Variants in KSR2 observed in about 807,000 individuals in gnomAD.
KSR2 encodes kinase suppressor of ras 2.
KSR2 carries 25 observed loss-of-function variants against 107.8 expected under a neutral mutation model. That is an observed-to-expected ratio of 0.23 (90% CI 0.17 to 0.32). The LOEUF (loss-of-function observed/expected upper bound fraction) is 0.32. Among genes scored for constraint, KSR2 ranks in the 10% least tolerant of loss-of-function variants. The pLI, the probability that KSR2 is intolerant of heterozygous loss-of-function variation, is 1.00. For synonymous variants in KSR2, 480 were observed against 507.0 expected (o/e 0.95, Z 0.71); for missense variants, 887 against 1,268.9 (o/e 0.70, Z 4.57).
chr12:117,937,428 G>T (rs1242016563), intron 1 of KSR2, among the ~76,000 whole-genome samples: 9 of 151,840 alleles, frequency 5.9e-5, no homozygotes, highest in Admixed American at 5.3e-4. Context: ...TTATCATTAT[G>T]AAGTGGCTTG....
intron 1 of KSR2, among the ~76,000 whole-genome samples, chr12:117,875,926 A>G (rs928935446): frequency 6.6e-6 from 1 of 151,968 alleles, no homozygotes; most frequent in African/African-American, 2.4e-5. Flanking sequence ...TCATTTCCCC[A>G]GCGTTCAGAT....
Position 117,812,842 on chromosome 12 carries a change from C to CAAAAAAAAAAAAAAA in KSR2, c.472+42571_472+42585dup, listed in dbSNP as rs3073170. On this transcript the variant is annotated intron_variant, in intron 3 of 19. Transcript: ENST00000339824. ...GGAACCACAAAAGACCCCAAATAGC[C>CAAAAAAAAAAAAAAA]AAAAAAAAAAAAAAAAATCATCCTG... 5.4e-4 allele frequency among the ~76,000 whole-genome samples: 52 copies of CAAAAAAAAAAAAAAA among 95,488 alleles called. 1 individual carries two copies. The highest frequency in any genetic ancestry group is 9.4e-4 in the African/African-American group (16 of 17,068). 62.6% of individuals were successfully genotyped at this position (95,488 alleles called of 152,430 possible).
chr12:117,755,663 T>C (rs1271336712), intron 4 of KSR2, among the ~76,000 whole-genome samples: 1 of 152,214 alleles, frequency 6.6e-6, no homozygotes, highest in African/African-American at 2.4e-5. Flanking sequence ...CAATAGCCTC[T>C]AAGCGTTCCA....
chr12:117,961,377 A>AG (rs1397430573), intron 1 of KSR2, among the ~76,000 whole-genome samples: 2 of 152,146 alleles, frequency 1.3e-5, no homozygotes, highest in African/African-American at 4.8e-5. Flanking sequence ...AAAGACATTT[A>AG]GGGGTCTATT....
In KSR2 at chr12:117,465,098, G is replaced by GT. The variant is rs1422063116; in HGVS notation, c.*2100dup. 6.6e-6 allele frequency: 1 copy of GT among 152,252 alleles called. No homozygotes were observed. The highest frequency in any genetic ancestry group is 2.4e-5 in the African/African-American group (1 of 41,428). The allele number at this position is 152,252 out of a possible 1,614,324, so 9.4% of individuals were successfully genotyped here. A position where few individuals can be genotyped will look rare whatever the true frequency, so the allele number is the denominator to read the frequency against. ...GGACTGGAGCCTGTGGACCCAAGAA[G>GT]TCCTGGTGTGATGGAAGAGAAGTGA... On this transcript the variant is annotated 3_prime_UTR_variant, in exon 20 of 20. Transcript: ENST00000339824.
chr12:117,826,024 GGGATGGAT>G (rs1242095835), intron 3 of KSR2, among the ~76,000 whole-genome samples: 2 of 149,910 alleles, frequency 1.3e-5, no homozygotes, highest in Non-Finnish European at 3.0e-5. Flanking sequence ...GATGCATGGA[GGGATGGAT>G]GGATGGATGG....
chr12:117,527,002 C>CGTCA (rs1875213050), intron 13 of KSR2, 69 bp downstream of exon 13: 2 of 1,343,112 alleles, frequency 1.5e-6, no homozygotes, highest in Non-Finnish European at 1.1e-6. Flanking sequence ...TCATCCAAAA[C>CGTCA]GTCAGTCGGC....
chr12:117,846,589 C>T (rs1892714129), intron 3 of KSR2, among the ~76,000 whole-genome samples: 1 of 152,192 alleles, frequency 6.6e-6, no homozygotes, highest in Non-Finnish European at 1.5e-5. Flanking sequence ...CAGGCATAAA[C>T]CACTGCGCCC....
intron 3 of KSR2, among the ~76,000 whole-genome samples, chr12:117,776,087 AAATT>A (rs974785855): frequency 1.9e-4 from 28 of 150,166 alleles, no homozygotes; most frequent in South Asian, 6.3e-4. Flanking sequence ...ATGGAAATAA[AAATT>A]AATTAATTAA....
chr12:117,962,729 G>T (rs1896693847), intron 1 of KSR2, among the ~76,000 whole-genome samples: 1 of 150,384 alleles, frequency 6.6e-6, no homozygotes, highest in South Asian at 2.1e-4. Context: ...ACAGGCGTGA[G>T]CCACTGTGCC....
At chr12:117,710,183 C>T (rs190123909) in intron 4 of KSR2, among the ~76,000 whole-genome samples, 21 of 152,096 alleles carry the variant, frequency 1.4e-4, no homozygotes, top group Admixed American at 3.3e-4. Flanking sequence ...CATTTGAATA[C>T]GGCCTCTTGC....
intron 1 of KSR2, among the ~76,000 whole-genome samples, chr12:117,947,698 C>T (rs1159547780): frequency 6.6e-6 from 1 of 151,892 alleles, no homozygotes; most frequent in Non-Finnish European, 1.5e-5. Context: ...GATACAAGGT[C>T]AACACAAAAA....
At chr12:117,568,303 A>T (rs1186918918) in intron 7 of KSR2, among the ~76,000 whole-genome samples, 1 of 152,148 alleles carries the variant, frequency 6.6e-6, no homozygotes, top group Non-Finnish European at 1.5e-5. Context: ...TCAATTCAAG[A>T]AAGGATGATG....
chr12:117,748,554 A>G (rs1430783280), intron 4 of KSR2, among the ~76,000 whole-genome samples: 1 of 151,368 alleles, frequency 6.6e-6, no homozygotes, highest in Non-Finnish European at 1.5e-5. Flanking sequence ...ACTGTACTCC[A>G]TAAATATGTA....
At chr12:117,758,487 C>A (rs1485404756) in intron 4 of KSR2, among the ~76,000 whole-genome samples, 1 of 152,154 alleles carries the variant, frequency 6.6e-6, no homozygotes, top group East Asian at 1.9e-4. Context: ...GCTTCCTTGC[C>A]ATGAACCACA....
chr12:117,471,452 G>T, intron 17 of KSR2, 132 bp from the exon 18 acceptor site: 3 of 982,128 alleles, frequency 3.1e-6, no homozygotes, highest in Non-Finnish European at 4.4e-6. Context: ...TCCTCATGGG[G>T]TTGGTATTTT....
At chr12:117,886,894 G>A (rs1301752505) in intron 1 of KSR2, among the ~76,000 whole-genome samples, 1 of 151,922 alleles carries the variant, frequency 6.6e-6, no homozygotes, top group Non-Finnish European at 1.5e-5. Flanking sequence ...CTTCCCCTAT[G>A]AAAGACAGAG....
chr12:117,481,010 C>T (rs952287541), intron 16 of KSR2, among the ~76,000 whole-genome samples: 5 of 151,932 alleles, frequency 3.3e-5, no homozygotes, highest in African/African-American at 4.8e-5. Flanking sequence ...TGCAGTGAGC[C>T]GTGATTGCAC....
intron 3 of KSR2, among the ~76,000 whole-genome samples, chr12:117,793,743 T>A (rs1472832240): frequency 7.8e-6 from 1 of 127,416 alleles, no homozygotes; most frequent in African/African-American, 3.1e-5. Flanking sequence ...ACTCATACCA[T>A]GCACATATAC....
Sources: gnomAD v4.1 joint callset for allele counts (sites outside exome capture counted in the v4.1 genomes callset) on GRCh38, gnomAD v4.1.1 for gene constraint, MANE v1.5 for transcripts, NCBI Gene and HGNC (gene_info 2026-07-23, HGNC 2026-07-21) for gene names.